The following FNDC3B variants were observed in gnomAD, a reference collection of about 807,000 sequenced individuals.
FNDC3B encodes the protein fibronectin type III domain containing 3B, also known as fibronectin type III domain-containing protein 3B.
Under a neutral mutation model 151.5 loss-of-function variants are expected in FNDC3B, and 12 were observed. That is an observed-to-expected ratio of 0.08 (90% CI 0.05 to 0.13). FNDC3B has a LOEUF of 0.13. Ranked by LOEUF, FNDC3B falls within the 10% of genes least tolerant of loss-of-function variation. FNDC3B has a pLI of 1.00. For missense variants in FNDC3B, 1,214 were observed against 1,505.3 expected, an observed-to-expected ratio of 0.81 and a Z score of 3.20; for synonymous variants, 528 against 549.0, an observed-to-expected ratio of 0.96 and a Z score of 0.54.
At chr3:172,112,149 G>A (rs757427321) in intron 1 of FNDC3B, among the ~76,000 whole-genome samples, 2 of 152,154 alleles carry the variant, frequency 1.3e-5, no homozygotes, top group Admixed American at 6.5e-5. Flanking sequence ...TGGAATAAAC[G>A]GAATAGAAAC....
At chr3:172,233,659 G>A (rs1175134619) in intron 4 of FNDC3B, among the ~76,000 whole-genome samples, 1 of 152,192 alleles carries the variant, frequency 6.6e-6, no homozygotes, top group Non-Finnish European at 1.5e-5. Context: ...TACAGCTGGG[G>A]ATTAAACCAC....
chr3:172,306,179 A>G (rs1374083457), intron 9 of FNDC3B, among the ~76,000 whole-genome samples: 1 of 152,164 alleles, frequency 6.6e-6, no homozygotes, highest in East Asian at 1.9e-4. Flanking sequence ...ATCTTCCATA[A>G]TGTTGTTATC....
At chr3:172,155,087 G>T (rs867260584) in intron 3 of FNDC3B, among the ~76,000 whole-genome samples, 32 of 152,242 alleles carry the variant, frequency 2.1e-4, no homozygotes, top group Middle Eastern at 3.4e-3. Context: ...TTAAAGTATG[G>T]TTAAGTTTTT....
chr3:172,317,690 T>C (rs943795246), intron 11 of FNDC3B, among the ~76,000 whole-genome samples: 2 of 152,232 alleles, frequency 1.3e-5, no homozygotes, highest in Non-Finnish European at 2.9e-5. Flanking sequence ...TTGTTCCATA[T>C]TGTTGATATA....
intron 2 of FNDC3B, among the ~76,000 whole-genome samples, chr3:172,128,612 C>T (rs1411190108): frequency 6.6e-6 from 1 of 152,032 alleles, no homozygotes; most frequent in Non-Finnish European, 1.5e-5. Context: ...AAAATAGTAG[C>T]ATGAGGAATA....
intron 6 of FNDC3B, among the ~76,000 whole-genome samples, chr3:172,261,050 A>C (rs1403292058): frequency 6.6e-6 from 1 of 152,192 alleles, no homozygotes; most frequent in Non-Finnish European, 1.5e-5. Context: ...CTAGATGGAT[A>C]AACTAACTGG....
intron 3 of FNDC3B, among the ~76,000 whole-genome samples, chr3:172,172,263 A>C (rs1205106462): frequency 6.6e-6 from 1 of 152,188 alleles, no homozygotes; most frequent in African/African-American, 2.4e-5. Context: ...TTTTTCGTCA[A>C]GTGTACCTGT....
chr3:172,226,197 C>T (rs764493346), intron 3 of FNDC3B, among the ~76,000 whole-genome samples: 3 of 150,626 alleles, frequency 2.0e-5, no homozygotes, highest in South Asian at 2.1e-4. Flanking sequence ...TCCAGCTACT[C>T]GGGGGGCTGA....
chr3:172,091,561 G>T (rs1718825546), intron 1 of FNDC3B, among the ~76,000 whole-genome samples: 1 of 152,186 alleles, frequency 6.6e-6, no homozygotes, highest in Admixed American at 6.5e-5. Context: ...AAAAGTGTGT[G>T]TGCGTTTGTG....
At chr3:172,199,422 G>A (rs913908502) in intron 3 of FNDC3B, among the ~76,000 whole-genome samples, 3 of 146,278 alleles carry the variant, frequency 2.1e-5, no homozygotes, top group Admixed American at 2.0e-4. Context: ...CTCGTGATCC[G>A]CCCGCCTCGG....
chr3:172,299,480 C>A (rs534476662), intron 9 of FNDC3B, among the ~76,000 whole-genome samples: 1 of 152,300 alleles, frequency 6.6e-6, no homozygotes, highest in Admixed American at 6.5e-5. Flanking sequence ...ATACATCCAT[C>A]TATTTATTTG....
intron 3 of FNDC3B, among the ~76,000 whole-genome samples, chr3:172,154,609 G>C (rs1168143184): frequency 6.6e-6 from 1 of 152,178 alleles, no homozygotes; most frequent in Non-Finnish European, 1.5e-5. Flanking sequence ...AGGGCAGAGA[G>C]GCCGGAGCCC....
intron 3 of FNDC3B, among the ~76,000 whole-genome samples, chr3:172,140,154 C>T (rs1721549604): frequency 1.3e-5 from 2 of 152,138 alleles, no homozygotes; most frequent in Admixed American, 6.5e-5. Flanking sequence ...GAGAGTTAAT[C>T]CTCCCAGGAG....
intron 3 of FNDC3B, among the ~76,000 whole-genome samples, chr3:172,192,175 T>G (rs1322494251): frequency 2.6e-5 from 2 of 75,792 alleles, no homozygotes; most frequent in Non-Finnish European, 5.6e-5. Context: ...GTGTGTTTTT[T>G]GTTTTTTTTT....
Position 172,362,979 on chromosome 3 carries a change from C to G in FNDC3B, c.3008+134C>G, listed in dbSNP as rs566822114. 133 of 683,360 alleles carry G rather than the reference C, an allele frequency of 1.9e-4. 1 individual carries two copies. The highest frequency in any genetic ancestry group is 3.1e-4 in the Non-Finnish European group (124 of 405,852). 42.3% of individuals were successfully genotyped at this position (683,360 alleles called of 1,614,324 possible). A position where few individuals can be genotyped will look rare whatever the true frequency, so the allele number is the denominator to read the frequency against. ...TTCAGAGGCTTCCTTTGACTTGAGC[C>G]CTGCGTTTTATACCCGGAGTCGTTC... On this transcript the variant is annotated intron_variant, in intron 23 of 25. Coordinates refer to ENST00000415807, the MANE Select transcript of FNDC3B (RefSeq NM_022763.4).
intron 23 of FNDC3B, among the ~76,000 whole-genome samples, chr3:172,373,717 C>T (rs777072015): frequency 2.0e-5 from 3 of 152,196 alleles, no homozygotes; most frequent in Non-Finnish European, 4.4e-5. Flanking sequence ...GTTCTAGCCA[C>T]AGGGGTGTTA....
intron 6 of FNDC3B, among the ~76,000 whole-genome samples, chr3:172,284,049 T>G (rs1273135639): frequency 6.6e-6 from 1 of 152,186 alleles, no homozygotes; most frequent in East Asian, 1.9e-4. Flanking sequence ...CCTTTTAAAG[T>G]TTGGAGTGGT....
At chr3:172,286,052 T>A (rs893384721) in intron 7 of FNDC3B, 68 bp downstream of exon 7, 1 of 1,204,286 alleles carries the variant, frequency 8.3e-7, no homozygotes, top group Admixed American at 2.0e-5. Context: ...TTTTTTTTTT[T>A]TTCCACCACA....
intron 11 of FNDC3B, among the ~76,000 whole-genome samples, chr3:172,315,600 A>T (rs763128098): frequency 6.6e-6 from 1 of 152,118 alleles, no homozygotes; most frequent in Non-Finnish European, 1.5e-5. Flanking sequence ...CCTTCAGGAG[A>T]CACCCCATTA....
Sources: gnomAD v4.1 joint callset for allele counts (sites outside exome capture counted in the v4.1 genomes callset) on GRCh38, gnomAD v4.1.1 for gene constraint, MANE v1.5 for transcripts, NCBI Gene and HGNC (gene_info 2026-07-23, HGNC 2026-07-21) for gene names.